Variants in SATB1 observed in about 807,000 individuals in gnomAD.
SATB1 encodes the protein DNA-binding protein SATB1.
In SATB1, 11 loss-of-function variants were observed where a neutral mutation model predicts 86.9. The observed-to-expected ratio is 0.13, with a 90% CI of 0.08 to 0.21. SATB1 has a LOEUF of 0.21. SATB1 is among the 10% of genes least tolerant of loss of function. The probability of loss-of-function intolerance (pLI) is 1.00; values close to 1 mark genes in which losing one functional copy is unlikely to be tolerated. For missense variants in SATB1, 551 were observed against 937.6 expected, an observed-to-expected ratio of 0.59 and a Z score of 5.39; for synonymous variants, 357 against 357.2, an observed-to-expected ratio of 1.00 and a Z score of 0.01.
chr3:18,381,304 T>C (rs1403748478), intron 8 of SATB1, among the ~76,000 whole-genome samples: 1 of 152,236 alleles, frequency 6.6e-6, no homozygotes, highest in African/African-American at 2.4e-5. Flanking sequence ...CTCTGATGCA[T>C]GAAGAATTGC....
intron 1 of SATB1, among the ~76,000 whole-genome samples, chr3:18,438,101 T>C (rs1699126106): frequency 6.6e-6 from 1 of 152,148 alleles, no homozygotes; most frequent in African/African-American, 2.4e-5. Context: ...ATAATAATTA[T>C]TACAATAAAA....
intron 5 of SATB1, among the ~76,000 whole-genome samples, chr3:18,411,689 A>C (rs1483999854): frequency 6.6e-6 from 1 of 152,038 alleles, no homozygotes; most frequent in Non-Finnish European, 1.5e-5. Flanking sequence ...ATCTAACCAC[A>C]TCCACCGAAA....
chr3:18,349,133 A>C lies in SATB1; in HGVS notation c.*37T>G. 6.3e-7 allele frequency: 1 copy of C among 1,592,116 alleles called. No individual in the cohort carries two copies. The highest frequency in any genetic ancestry group is 8.6e-7 in the Non-Finnish European group (1 of 1,168,152). ...TGGACTTTTCATTTTGTTAGTAAAT[A>C]CCAGTGGCACTGTTGAACGAAACAA... On this transcript the variant is annotated 3_prime_UTR_variant, in exon 11 of 11. Transcript: ENST00000338745. The surrounding 1 kb of genome is among the most constrained non-coding windows in gnomAD (Gnocchi z 5.5).
rs192703904 is a variant in SATB1, at chr3:18,384,978, T to G, written c.1419+1421A>C. 1.3e-3 allele frequency among the ~76,000 whole-genome samples: 202 copies of G among 152,310 alleles called. 1 individual carries two copies. The highest frequency in any genetic ancestry group is 0.01 in the South Asian group (50 of 4,824). ...ACATCAAGACCAGATTGATTTTCAT[T>G]AAATAAACTAGTGAAAATGGATTTT... On this transcript the variant is annotated intron_variant, in intron 8 of 10. Coordinates refer to ENST00000338745, the MANE Select transcript of SATB1 (RefSeq NM_002971.6).
chr3:18,351,482 T>A (rs1694360029), intron 10 of SATB1: 2 of 1,180,674 alleles, frequency 1.7e-6, no homozygotes, highest in African/African-American at 3.1e-5. Context: ...AGCTATTACA[T>A]ACAAGGTGAA....
chr3:18,391,670 C>G (rs1033924335), intron 7 of SATB1, among the ~76,000 whole-genome samples: 1 of 151,850 alleles, frequency 6.6e-6, no homozygotes, highest in Admixed American at 6.6e-5. Context: ...TGGAACTGCA[C>G]ATTGTACTAG....
At chr3:18,367,077 A>T (rs1032745882) in intron 9 of SATB1, among the ~76,000 whole-genome samples, 2 of 152,174 alleles carry the variant, frequency 1.3e-5, no homozygotes, top group African/African-American at 2.4e-5. Context: ...GGGGAAGTTC[A>T]ATGTCTGAGA....
At chr3:18,375,893 GT>G (rs1401088539) in intron 9 of SATB1, among the ~76,000 whole-genome samples, 1 of 152,190 alleles carries the variant, frequency 6.6e-6, no homozygotes, top group African/African-American at 2.4e-5. Context: ...AGGGAATAAA[GT>G]TAATAGTTTG....
Position 18,397,162 on chromosome 3 carries a change from ATGT to A in SATB1, c.751+14_751+16del. ...GTAATGGTATGTAGCCACTGCTGCA[ATGT>A]TTTTTTTGCTTACCCATCATATCTT... On this transcript the variant is annotated intron_variant, in intron 6 of 10. Coordinates refer to ENST00000338745, the MANE Select transcript of SATB1 (RefSeq NM_002971.6). 1 of 1,366,920 alleles carries A rather than the reference ATGT, an allele frequency of 7.3e-7. No individual in the cohort carries two copies. Among genetic ancestry groups the A allele is most frequent in the Non-Finnish European group, 1.0e-6 (1 of 954,892 alleles). 84.7% of individuals were successfully genotyped at this position (1,366,920 alleles called of 1,614,324 possible). A position where few individuals can be genotyped will look rare whatever the true frequency, so the allele number is the denominator to read the frequency against.
At chr3:18,393,792 A>G (rs1305538908) in intron 7 of SATB1, among the ~76,000 whole-genome samples, 1 of 152,158 alleles carries the variant, frequency 6.6e-6, no homozygotes, top group Non-Finnish European at 1.5e-5. Flanking sequence ...GTGCTTCAAA[A>G]CCTAAAATAT....
chr3:18,433,638 A>G (rs1188532327), intron 2 of SATB1, among the ~76,000 whole-genome samples: 1 of 152,036 alleles, frequency 6.6e-6, no homozygotes, highest in African/African-American at 2.4e-5. Flanking sequence ...TTTTTTTCTT[A>G]TACGCATAAT....
upstream of SATB1, among the ~76,000 whole-genome samples, chr3:18,429,898 T>C (rs1306743787): frequency 1.3e-5 from 2 of 152,166 alleles, no homozygotes; most frequent in African/African-American, 4.8e-5. This position sits in a 1 kb window ranked among gnomAD's most constrained non-coding sequence, Gnocchi z 4.1. Context: ...TTATACAGTG[T>C]CCTTGTAATA....
At position 18,424,876 on chromosome 3, in the gene SATB1, C is replaced by CTGT. The variant is rs971543492; in HGVS notation, c.-1277_-1275dup. ...CGGGCAGGATAGAGGGCGGCCGCGG[C>CTGT]TGTTGTTGTTGTGACGAGGCCGGGT... On this transcript the variant is annotated 5_prime_UTR_variant, in exon 1 of 11. Coordinates refer to ENST00000338745, the MANE Select transcript of SATB1 (RefSeq NM_002971.6). 6.5e-6 allele frequency: 1 copy of CTGT among 153,750 alleles called. No individual in the cohort carries two copies. Among genetic ancestry groups the CTGT allele is most frequent in the African/African-American group, 2.4e-5 (1 of 41,458 alleles). 9.5% of individuals were successfully genotyped at this position (153,750 alleles called of 1,614,324 possible). A position where few individuals can be genotyped will look rare whatever the true frequency, so the allele number is the denominator to read the frequency against.
intron 3 of SATB1, 40 bp from the exon 4 acceptor site, chr3:18,416,173 C>T (rs779051115): frequency 2.6e-6 from 4 of 1,538,020 alleles, no homozygotes; most frequent in South Asian, 2.4e-5. Context: ...AATATTTTAC[C>T]CTCAGATAAT....
Position 18,420,858 on chromosome 3 carries a change from C to T in SATB1, c.110G>A (p.Gly37Glu). The T allele has an allele frequency of 6.2e-7, 1 of 1,614,150 alleles. No individual in the cohort carries two copies. The highest frequency in any genetic ancestry group is 2.2e-5 in the East Asian group (1 of 44,870). ...AAGCCTTCCTCTTCCTAGCGGGCTC[C>T]CGTTCTGCTCCAGGCGGGCAATCTT... is the stretch of plus-strand genomic sequence containing the variant. The part of the protein sequence containing the change: ...PAKIARLEQN[G>E]SPLGRGRLGS... Residue 37 changes from glycine (G) to glutamate (E), a missense_variant, in exon 2 of 11, where the codon GGG becomes GAG. Transcript: ENST00000338745.
At chr3:18,369,735 G>C (rs996507188) in intron 9 of SATB1, among the ~76,000 whole-genome samples, 5 of 152,186 alleles carry the variant, frequency 3.3e-5, no homozygotes, top group Admixed American at 2.0e-4. Context: ...GAAAAAGGAG[G>C]AGGAGAGAGT....
chr3:18,441,311 T>G (rs931946816), upstream of SATB1, among the ~76,000 whole-genome samples: 1 of 152,164 alleles, frequency 6.6e-6, no homozygotes, highest in East Asian at 1.9e-4. Flanking sequence ...GTGGCAGCAT[T>G]TAAAATAAGA....
rs376013841 is a variant in SATB1 at position 18,349,320 on chromosome 3, G to A, written c.2142C>T (p.Val714=). 6 of 1,613,846 alleles carry A rather than the reference G, an allele frequency of 3.7e-6. No homozygotes were observed. In the African/African-American group the frequency reaches 5.3e-5, roughly 14 times the overall value. The change falls in exon 11 of 11, where the codon GTC becomes GTT. Residue 714 remains valine, a synonymous_variant. Coordinates refer to ENST00000338745, the MANE Select transcript of SATB1 (RefSeq NM_002971.6). The surrounding 1 kb of genome is among the most constrained non-coding windows in gnomAD (Gnocchi z 5.5). ...GKLKDNSGLE[V]DVAEYKEEEL... is the part of the protein sequence containing the mutation. ...CCTCTTCTTTATATTCTGCCACATC[G>A]ACCTCTAAACCGGAATTGTCCTTCA...
chr3:18,394,431 A>G lies in SATB1; in HGVS notation c.1206+31T>C, dbSNP rs1696849945. 1 of 1,582,018 alleles carries G rather than the reference A, an allele frequency of 6.3e-7. No homozygotes were observed. The highest frequency in any genetic ancestry group is 8.7e-7 in the Non-Finnish European group (1 of 1,151,464). On this transcript the variant is annotated intron_variant, in intron 7 of 10. Coordinates refer to ENST00000338745, the MANE Select transcript of SATB1 (RefSeq NM_002971.6). The surrounding 1 kb of genome is among the most constrained non-coding windows in gnomAD (Gnocchi z 5.9). ...ACTAAAGAAAGAGAAAATAGGAGAC[A>G]GCACAGAACCACTTATGAAACACAA...
Sources: allele counts gnomAD v4.1 joint callset (sites outside exome capture counted in the v4.1 genomes callset), GRCh38; gene constraint gnomAD v4.1.1; non-coding constraint Gnocchi (gnomAD v3.1); transcripts MANE v1.5; gene names NCBI Gene and HGNC (gene_info 2026-07-23, HGNC 2026-07-21).